MBD1: variants seen among roughly 807,000 people sequenced by gnomAD.
MBD1 encodes the protein methyl-CpG-binding domain protein 1.
Under a neutral mutation model 82.6 loss-of-function variants are expected in MBD1, and 25 were observed. The observed-to-expected ratio is 0.30, with a 90% CI of 0.22 to 0.42. The LOEUF is 0.42. MBD1 is among the 10% of genes least tolerant of loss of function. The pLI is 1.00. For missense variants in MBD1, 627 were observed against 819.6 expected, an observed-to-expected ratio of 0.76 and a Z score of 2.87; for synonymous variants, 301 against 303.7, an observed-to-expected ratio of 0.99 and a Z score of 0.09.
In MBD1 at chr18:50,273,440, A is replaced by C. The variant is rs1296503715; in HGVS notation, c.1478T>G (p.Val493Gly). 2 of 1,614,206 alleles carry C rather than the reference A, an allele frequency of 1.2e-6. No individual in the cohort carries two copies. Among genetic ancestry groups the C allele is most frequent in the East Asian group, 4.5e-5 (2 of 44,872 alleles). The change falls in exon 13 of 17, where the codon GTG becomes GGG. Residue 493 changes from valine (V) to glycine (G), a missense_variant. Around this residue, in one of 6 missense-constraint regions of MBD1, gnomAD observed 265 missense variants for 278.4 expected, o/e 0.95. Transcript: ENST00000269468. ...EAQCSGLSWV[V>G]ALPQVKQEKA... The stretch of plus-strand genomic sequence containing the variant: ...CTCTTGCTTCACCTGGGGTAAGGCC[A>C]CAACCCAACTCAGGCCAGAGCACTG...
rs2034531716 is a variant in MBD1 at position 50,269,378 on chromosome 18, A to G, written c.*473T>C. On this transcript the variant is annotated 3_prime_UTR_variant, in exon 17 of 17. Transcript: ENST00000269468. Reference sequence around the variant, plus strand: ...GCTATGTTTCCCGGAACTCTCTTCCAGTAAGATGGGCCACAAGAGACATTT... The same window carrying G: ...GCTATGTTTCCCGGAACTCTCTTCCGGTAAGATGGGCCACAAGAGACATTT... The G allele has an allele frequency of 8.0e-7, 1 of 1,249,674 alleles. No individual in the cohort carries two copies. The highest frequency in any genetic ancestry group is 3.0e-5 in the Admixed American group (1 of 33,560). 77.4% of individuals were successfully genotyped at this position (1,249,674 alleles called of 1,614,324 possible). A position where few individuals can be genotyped will look rare whatever the true frequency, so the allele number is the denominator to read the frequency against.
At position 50,276,809 on chromosome 18, in the gene MBD1, G is replaced by T. The variant is rs200523466; in HGVS notation, c.392+23C>A. 144 of 1,614,064 alleles carry T rather than the reference G, an allele frequency of 8.9e-5. No individual in the cohort carries two copies. In the Admixed American group the frequency reaches 2.3e-3, roughly 26 times the overall value. ...CCCAATCACAACCCTCACCCATCTG[G>T]CTCACCTTAGACCAACACTCACCCA... On this transcript the variant is annotated intron_variant, in intron 4 of 16. Coordinates refer to ENST00000269468, the MANE Select transcript of MBD1 (RefSeq NM_015846.4).
At chr18:50,277,328 GC>G (rs11314724) in intron 2 of MBD1, 124 bp from the exon 3 acceptor site, 718,618 of 718,618 alleles carry the variant, frequency 1, 359,309 homozygotes, top group Non-Finnish European at 1. Flanking sequence ...GCCCTGCCCA[GC>G]CCCCACCTCA....
intron 2 of MBD1, among the ~76,000 whole-genome samples, chr18:50,279,308 A>G (rs1354097233): frequency 6.6e-6 from 1 of 152,230 alleles, no homozygotes; most frequent in East Asian, 1.9e-4. Flanking sequence ...TTTCTGAAGC[A>G]GCTTTGTGCA....
intron 2 of MBD1, 143 bp downstream of exon 2, chr18:50,279,740 G>A (rs2039482667): frequency 9.0e-7 from 1 of 1,107,846 alleles, no homozygotes; most frequent in Admixed American, 2.4e-5. Flanking sequence ...TTAAGTAGGT[G>A]AAATTCAAAC....
rs372304601 is a variant in MBD1, at chr18:50,275,250, G to A, written c.793-5C>T. On this transcript the variant is annotated splice_polypyrimidine_tract_variant and splice_region_variant and intron_variant, in intron 8 of 16. Coordinates refer to ENST00000269468, the MANE Select transcript of MBD1 (RefSeq NM_015846.4). The stretch of plus-strand genomic sequence containing the variant: ...CTTGCGGCGGGCATGTTTACCCTGG[G>A]AAAGATCAGAAAGGGTGGTTTCAGC... The A allele has an allele frequency of 6.8e-6, 11 of 1,613,906 alleles. 1 individual carries two copies. Among genetic ancestry groups the A allele is most frequent in the East Asian group, 4.5e-5 (2 of 44,874 alleles).
At chr18:50,276,246 C>T (rs1043083587) in intron 6 of MBD1, 132 bp downstream of exon 6, 1 of 960,180 alleles carries the variant, frequency 1.0e-6, no homozygotes, top group Non-Finnish European at 1.6e-6. Flanking sequence ...ATTGTGTCTG[C>T]TGACCTATGG....
At chr18:50,278,068 T>C (rs146464205) in intron 2 of MBD1, among the ~76,000 whole-genome samples, 2 of 152,326 alleles carry the variant, frequency 1.3e-5, no homozygotes, top group African/African-American at 4.8e-5. Flanking sequence ...TACTGTGTTT[T>C]TTCTATCTGA....
chr18:50,276,169 C>T lies in MBD1; in HGVS notation c.517-188G>A, dbSNP rs184775543. ...TTAGTATGTCTACTGGTCCCCTGTT[C>T]ACTTCATCACTGTGTCTACTGATGC... On this transcript the variant is annotated intron_variant, in intron 6 of 16. Coordinates refer to ENST00000269468, the MANE Select transcript of MBD1 (RefSeq NM_015846.4). 13 of 828,656 alleles carry T rather than the reference C, an allele frequency of 1.6e-5. No individual in the cohort carries two copies. The East Asian group carries it at 3.5e-4, about 22-fold the overall frequency. 51.3% of individuals were successfully genotyped at this position (828,656 alleles called of 1,614,324 possible). A position where few individuals can be genotyped will look rare whatever the true frequency, so the allele number is the denominator to read the frequency against.
In MBD1 at chr18:50,271,480, C is replaced by A. The variant is rs762334969; in HGVS notation, c.*21G>T. On this transcript the variant is annotated 3_prime_UTR_variant, in exon 16 of 17. Coordinates refer to ENST00000269468, the MANE Select transcript of MBD1 (RefSeq NM_015846.4). ...TCTGCAAATATCACCTTGAATCCTA[C>A]AGTCTGTAGAAGCCTCCAGTCTACT... 7 of 1,614,060 alleles carry A rather than the reference C, an allele frequency of 4.3e-6. No individual in the cohort carries two copies. The highest frequency in any genetic ancestry group is 5.9e-6 in the Non-Finnish European group (7 of 1,180,018).
chr18:50,272,905 C>T lies in MBD1; in HGVS notation c.1635G>A (p.Glu545=), dbSNP rs2036207273. The T allele has an allele frequency of 1.2e-6, 2 of 1,614,216 alleles. No individual in the cohort carries two copies. Among genetic ancestry groups the T allele is most frequent in the Non-Finnish European group, 1.7e-6 (2 of 1,180,038 alleles). The change falls in exon 14 of 17, where the codon GAG becomes GAA. Residue 545 remains glutamate, a synonymous_variant. Coordinates refer to ENST00000269468, the MANE Select transcript of MBD1 (RefSeq NM_015846.4). The part of the protein sequence containing the change: ...PSVKQEPPDP[E]EDKEENKDDS... ...CATCCTTGTTCTCCTCCTTGTCCTC[C>T]TCTGGGTCAGGTGGCTCTTGCTTCA... is the stretch of plus-strand genomic sequence containing the variant.
chr18:50,272,770 GGTT>G, intron 14 of MBD1, 32 bp from the exon 15 acceptor site: 1 of 1,614,226 alleles, frequency 6.2e-7, no homozygotes. Context: ...AGGTCAATGT[GGTT>G]GTTGGGGCTA....
intron 15 of MBD1, among the ~76,000 whole-genome samples, chr18:50,271,889 C>G (rs926631566): frequency 6.6e-6 from 1 of 152,176 alleles, no homozygotes; most frequent in Admixed American, 6.5e-5. Context: ...GCAAAGGAAT[C>G]CAAGTGCTTA....
intron 16 of MBD1, chr18:50,270,385 A>C: frequency 9.2e-6 from 5 of 541,548 alleles, no homozygotes; most frequent in South Asian, 7.8e-5. Flanking sequence ...ATTGGGAGAG[A>C]GTGAGGTAGG....
Position 50,269,679 on chromosome 18 carries a change from T to C in MBD1, c.*172A>G. 1 of 773,784 alleles carries C rather than the reference T, an allele frequency of 1.3e-6. No individual in the cohort carries two copies. Among genetic ancestry groups the C allele is most frequent in the Admixed American group, 1.7e-5 (1 of 58,100 alleles). 47.9% of individuals were successfully genotyped at this position (773,784 alleles called of 1,614,324 possible). On this transcript the variant is annotated 3_prime_UTR_variant, in exon 17 of 17. Coordinates refer to ENST00000269468, the MANE Select transcript of MBD1 (RefSeq NM_015846.4). ...CTTCTTCTGCAGGACACCCACATCA[T>C]CGAAGCTGGAGGTGGTGAGAGACTG... is the stretch of plus-strand genomic sequence containing the variant.
chr18:50,269,712 T>A lies in MBD1; in HGVS notation c.*139A>T, dbSNP rs2034666252. On this transcript the variant is annotated 3_prime_UTR_variant, in exon 17 of 17. Transcript: ENST00000269468. The stretch of plus-strand genomic sequence containing the variant: ...GGAGGTGGTGAGAGACTGACATGGG[T>A]TCCAGGCCATCCTCGTGGGTTCCAG... 1 of 780,628 alleles carries A rather than the reference T, an allele frequency of 1.3e-6. No individual in the cohort carries two copies. Among genetic ancestry groups the A allele is most frequent in the Non-Finnish European group, 2.4e-6 (1 of 418,062 alleles). The allele number at this position is 780,628 out of a possible 1,614,324, so 48.4% of individuals were successfully genotyped here. A position where few individuals can be genotyped will look rare whatever the true frequency, so the allele number is the denominator to read the frequency against.
rs1268036861 is a variant in MBD1, at chr18:50,274,451, T to G, written c.979-98A>C. 6.8e-6 allele frequency: 9 copies of G among 1,332,160 alleles called. No homozygotes were observed. The African/African-American group carries it at 7.2e-5, about 11-fold the overall frequency. 82.5% of individuals were successfully genotyped at this position (1,332,160 alleles called of 1,614,324 possible). On this transcript the variant is annotated intron_variant, in intron 10 of 16. Transcript: ENST00000269468. Reference sequence around the variant, plus strand: ...TGGTCCTGGTGCTCCTCTAGCCCCATAAGACGGAGCTACTTGCATACTAGT... The same window carrying G: ...TGGTCCTGGTGCTCCTCTAGCCCCAGAAGACGGAGCTACTTGCATACTAGT...
chr18:50,268,244 G>A (rs1010788793), downstream of MBD1, among the ~76,000 whole-genome samples: 1 of 152,200 alleles, frequency 6.6e-6, no homozygotes, highest in Non-Finnish European at 1.5e-5. Context: ...GGGAAAATCG[G>A]CGCAGATTCG....
At chr18:50,270,255 G>A (rs758555101) in intron 16 of MBD1, 1 of 1,181,304 alleles carries the variant, frequency 8.5e-7, no homozygotes. Context: ...GCTGGGACTA[G>A]GGTAAGGCAA....
Sources: gnomAD v4.1 joint callset for allele counts (sites outside exome capture counted in the v4.1 genomes callset) on GRCh38, gnomAD v4.1.1 for gene constraint, gnomAD v4.1.1 regional missense constraint, MANE v1.5 for transcripts, NCBI Gene and HGNC (gene_info 2026-07-23, HGNC 2026-07-21) for gene names.